SNTG1: variants seen among roughly 807,000 people sequenced by gnomAD.
The protein encoded by SNTG1 is syntrophin gamma 1.
Under a neutral mutation model 74.7 loss-of-function variants are expected in SNTG1, and 39 were observed. That is an observed-to-expected ratio of 0.52 (90% CI 0.40 to 0.68). The LOEUF is 0.68. Among genes scored for constraint, SNTG1 ranks in the 30% least tolerant of loss-of-function variants. The pLI, the probability that SNTG1 is intolerant of heterozygous loss-of-function variation, is 0.00. For missense variants in SNTG1, 685 were observed against 609.5 expected (o/e 1.12, Z -1.30); for synonymous variants, 254 against 217.1 (o/e 1.17, Z -1.49).
At chr8:50,533,576 C>CA (rs5891372) in intron 10 of SNTG1, among the ~76,000 whole-genome samples, 54 of 151,654 alleles carry the variant, frequency 3.6e-4, no homozygotes, top group Admixed American at 1.4e-3. Context: ...ACTACTATTC[C>CA]AAAAAAATGA....
At chr8:49,933,241 AT>A (rs1462525938) in intron 1 of SNTG1, among the ~76,000 whole-genome samples, 2 of 152,030 alleles carry the variant, frequency 1.3e-5, no homozygotes, top group African/African-American at 2.4e-5. Flanking sequence ...GAAGTTTCCG[AT>A]TTTTCCTCAT....
chr8:49,913,221 T>C (rs1563339276), intron 1 of SNTG1, among the ~76,000 whole-genome samples: 1 of 152,224 alleles, frequency 6.6e-6, no homozygotes, highest in Non-Finnish European at 1.5e-5. Context: ...CTTGCAAGGA[T>C]GGAATTTTAC....
intron 1 of SNTG1, among the ~76,000 whole-genome samples, chr8:50,006,196 T>G (rs1815219346): frequency 6.6e-6 from 1 of 151,922 alleles, no homozygotes; most frequent in South Asian, 2.1e-4. Context: ...CTCCTGACCT[T>G]GTGATCCACC....
intron 1 of SNTG1, among the ~76,000 whole-genome samples, chr8:50,010,164 C>A (rs1486960338): frequency 6.6e-6 from 1 of 152,124 alleles, no homozygotes; most frequent in Non-Finnish European, 1.5e-5. Flanking sequence ...TTAGTAGTCT[C>A]CTCTAATACT....
At chr8:50,714,058 CA>C (rs34349683) in intron 17 of SNTG1, among the ~76,000 whole-genome samples, 65,020 of 105,164 alleles carry the variant, frequency 0.62, 18,476 homozygotes, top group Non-Finnish European at 0.7. Context: ...GACTCCATTT[CA>C]AAAAAAAAAA....
intron 17 of SNTG1, among the ~76,000 whole-genome samples, chr8:50,749,504 T>C (rs537008407): frequency 1.3e-5 from 2 of 152,168 alleles, no homozygotes; most frequent in South Asian, 2.1e-4. Context: ...CAGCCTTATA[T>C]TGGAAGAAGA....
chr8:50,081,591 G>A (rs1364959093), intron 1 of SNTG1, among the ~76,000 whole-genome samples: 1 of 151,942 alleles, frequency 6.6e-6, no homozygotes, highest in Admixed American at 6.6e-5. Context: ...TCCCACAGGT[G>A]TCTGAAGGCC....
chr8:50,558,523 C>T (rs979014957), intron 12 of SNTG1, among the ~76,000 whole-genome samples: 3 of 152,124 alleles, frequency 2.0e-5, no homozygotes, highest in Non-Finnish European at 4.4e-5. Flanking sequence ...ATTTTTACTT[C>T]TTTCAAAAAA....
intron 9 of SNTG1, among the ~76,000 whole-genome samples, chr8:50,503,465 G>A (rs1050884172): frequency 3.9e-5 from 6 of 152,074 alleles, no homozygotes; most frequent in African/African-American, 7.2e-5. Context: ...TTGCACAGTC[G>A]GATCAGTTCT....
intron 8 of SNTG1, among the ~76,000 whole-genome samples, chr8:50,460,520 T>C (rs1268147477): frequency 2.0e-5 from 3 of 152,326 alleles, no homozygotes; most frequent in African/African-American, 7.2e-5. Context: ...TTGTTTTCAT[T>C]GCAATTGTTT....
Position 50,402,370 on chromosome 8 carries a change from A to T in SNTG1, c.162+26A>T, listed in dbSNP as rs373820054. ...GTAAGTAGCTTTTTCTTCTGTTGAA[A>T]TTTTTTGTGTTTGTTTTTTGTTAAT... On this transcript the variant is annotated intron_variant, in intron 4 of 18. Transcript: ENST00000642720. The T allele has an allele frequency of 2.0e-3, 3,075 of 1,562,516 alleles. 62 individuals carry two copies. The South Asian group carries it at 0.034, about 17-fold the overall frequency.
intron 6 of SNTG1, among the ~76,000 whole-genome samples, chr8:50,450,179 A>G (rs1242109970): frequency 6.6e-6 from 1 of 152,206 alleles, no homozygotes; most frequent in African/African-American, 2.4e-5. Flanking sequence ...AAAACAATGT[A>G]ATGTTTAAAA....
At chr8:50,668,725 C>T (rs1359666641) in intron 15 of SNTG1, among the ~76,000 whole-genome samples, 2 of 151,760 alleles carry the variant, frequency 1.3e-5, no homozygotes, top group African/African-American at 4.8e-5. Flanking sequence ...AGTTCAACTT[C>T]CATTTGTGAG....
At chr8:50,042,001 A>G (rs1435427157) in intron 1 of SNTG1, among the ~76,000 whole-genome samples, 1 of 152,216 alleles carries the variant, frequency 6.6e-6, no homozygotes, top group Non-Finnish European at 1.5e-5. Context: ...ACATCCTTAT[A>G]AAACCATCAT....
intron 12 of SNTG1, among the ~76,000 whole-genome samples, chr8:50,586,652 T>TACACAC (rs3036686): frequency 4.7e-5 from 7 of 149,432 alleles, no homozygotes; most frequent in South Asian, 2.1e-4. Context: ...ATTTCATTAA[T>TACACAC]ACACACACAC....
At chr8:50,051,848 G>T (rs1250743173) in intron 1 of SNTG1, among the ~76,000 whole-genome samples, 1 of 151,934 alleles carries the variant, frequency 6.6e-6, no homozygotes, top group Non-Finnish European at 1.5e-5. Flanking sequence ...TACTTTTTTG[G>T]GGGCAGACAT....
intron 1 of SNTG1, among the ~76,000 whole-genome samples, chr8:50,006,529 T>G (rs1232155815): frequency 6.6e-6 from 1 of 152,180 alleles, no homozygotes; most frequent in Non-Finnish European, 1.5e-5. Context: ...CAAGGCTGGG[T>G]ACTATTTAAG....
At chr8:50,250,185 G>C (rs2086585383) in intron 2 of SNTG1, among the ~76,000 whole-genome samples, 1 of 151,504 alleles carries the variant, frequency 6.6e-6, no homozygotes, top group Admixed American at 6.6e-5. Flanking sequence ...AAATACAATA[G>C]AGAGTTTTGA....
intron 1 of SNTG1, among the ~76,000 whole-genome samples, chr8:50,079,575 C>T (rs147982000): frequency 6.6e-6 from 1 of 152,008 alleles, no homozygotes; most frequent in African/African-American, 2.4e-5. Context: ...TAATTAGATC[C>T]CATTTGTCAA....
Sources: allele counts gnomAD v4.1 joint callset (sites outside exome capture counted in the v4.1 genomes callset), GRCh38; gene constraint gnomAD v4.1.1; transcripts MANE v1.5; gene names NCBI Gene and HGNC (gene_info 2026-07-23, HGNC 2026-07-21).